GLIS3: variants seen among roughly 807,000 people sequenced by gnomAD.
GLIS3 encodes the protein GLIS family zinc finger 3.
A neutral mutation model predicts 78.6 loss-of-function variants in GLIS3; 53 were observed. The ratio of observed to expected loss-of-function variants is 0.67; its 90% CI spans 0.54 to 0.85. The LOEUF (loss-of-function observed/expected upper bound fraction) is 0.85. Among genes scored for constraint, GLIS3 ranks in the 40% least tolerant of loss-of-function variants. GLIS3 has a pLI of 0.00. For synonymous variants in GLIS3, 684 were observed against 509.9 expected, an observed-to-expected ratio of 1.34 and a Z score of -4.60; for missense variants, 1,703 against 1,231.1, an observed-to-expected ratio of 1.38 and a Z score of -5.74.
chr9:4,220,820 C>T (rs1821268155), intron 2 of GLIS3, among the ~76,000 whole-genome samples: 1 of 151,824 alleles, frequency 6.6e-6, no homozygotes, highest in South Asian at 2.1e-4. Flanking sequence ...ATGACAGCAA[C>T]AATATGTGTC....
chr9:4,159,030 G>GAAAAAAAAAAAAAAAAAAAA (rs141412126), intron 2 of GLIS3, among the ~76,000 whole-genome samples: 5 of 79,096 alleles, frequency 6.3e-5, no homozygotes, highest in African/African-American at 1.5e-4. Context: ...GAAAGGAGAA[G>GAAAAAAAAAAAAAAAAAAAA]AAGAAAAAAA....
intron 2 of GLIS3, among the ~76,000 whole-genome samples, chr9:4,259,544 C>G (rs966334216): frequency 1.3e-5 from 2 of 152,116 alleles, no homozygotes; most frequent in African/African-American, 4.8e-5. Context: ...CTCACTAACT[C>G]CCCCCACCGC....
At chr9:4,196,195 T>C (rs928698206) in intron 2 of GLIS3, among the ~76,000 whole-genome samples, 10 of 152,186 alleles carry the variant, frequency 6.6e-5, no homozygotes, top group South Asian at 4.2e-4. Context: ...AGCCAGAGGA[T>C]TGTATATGCA....
chr9:4,253,980 T>A (rs111828222), intron 2 of GLIS3, among the ~76,000 whole-genome samples: 5,116 of 152,248 alleles, frequency 0.034, 255 homozygotes, highest in African/African-American at 0.12. Flanking sequence ...GGTACCTCAG[T>A]TGGAAATGCA....
chr9:4,266,681 C>T (rs533360134), intron 2 of GLIS3, among the ~76,000 whole-genome samples: 1 of 151,704 alleles, frequency 6.6e-6, no homozygotes, highest in Admixed American at 6.6e-5. Flanking sequence ...TGAATGACAG[C>T]CACTATGATA....
the GLIS3 span, among the ~76,000 whole-genome samples, chr9:4,400,999 A>G: frequency 6.6e-6 from 1 of 152,186 alleles, no homozygotes; most frequent in East Asian, 1.9e-4. Context: ...TACTGTGGCT[A>G]TGATGAAACA....
intron 2 of GLIS3, among the ~76,000 whole-genome samples, chr9:4,333,775 C>A (rs1817717151): frequency 7.8e-6 from 1 of 128,276 alleles, no homozygotes; most frequent in East Asian, 2.7e-4. Flanking sequence ...TTTTGATTCC[C>A]CTCACTTCCA....
At chr9:4,474,985 A>ATTGTTTTTT in the GLIS3 span, among the ~76,000 whole-genome samples, 1 of 114,490 alleles carries the variant, frequency 8.7e-6, no homozygotes, top group Non-Finnish European at 1.7e-5. Context: ...GACTATGTTA[A>ATTGTTTTTT]TTTTTTTTTC....
At chr9:3,847,610 T>C (rs1819141125) in intron 9 of GLIS3, among the ~76,000 whole-genome samples, 1 of 152,276 alleles carries the variant, frequency 6.6e-6, no homozygotes. Context: ...ATGTAGATTA[T>C]TCACAGTTCA....
At chr9:4,332,896 T>C (rs1817706246) in intron 2 of GLIS3, among the ~76,000 whole-genome samples, 3 of 152,212 alleles carry the variant, frequency 2.0e-5, no homozygotes, top group Admixed American at 6.5e-5. Flanking sequence ...GGTGGTATTA[T>C]TGTTCTTTGT....
chr9:4,077,950 T>G (rs1828220132), intron 4 of GLIS3, among the ~76,000 whole-genome samples: 1 of 152,214 alleles, frequency 6.6e-6, no homozygotes, highest in Non-Finnish European at 1.5e-5. Flanking sequence ...AATAGCTATT[T>G]TATGCAGTCA....
At chr9:3,868,650 A>T (rs1820765372) in intron 8 of GLIS3, among the ~76,000 whole-genome samples, 1 of 152,086 alleles carries the variant, frequency 6.6e-6, no homozygotes, top group Non-Finnish European at 1.5e-5. Flanking sequence ...CAGACTAGGG[A>T]GGAATTTGGA....
At position 4,097,175 on chromosome 9, in the gene GLIS3, G is replaced by A. The variant is rs192088005; in HGVS notation, c.1710+20593C>T. On this transcript the variant is annotated intron_variant, in intron 4 of 10. Coordinates refer to ENST00000381971, the MANE Select transcript of GLIS3 (RefSeq NM_001042413.2). ...CGAGCTGCACATCTCCAACTTGTTG[G>A]GGCAGAACATCCTTTCTTCCATCTG... Among the ~76,000 whole-genome samples the A allele has an allele frequency of 3.1e-3, 466 of 152,142 alleles. 3 individuals are homozygous for A. Among genetic ancestry groups the A allele is most frequent in the African/African-American group, 0.011 (452 of 41,502 alleles).
chr9:3,841,687 T>C (rs1324938609), intron 9 of GLIS3, among the ~76,000 whole-genome samples: 2 of 152,204 alleles, frequency 1.3e-5, no homozygotes, highest in Admixed American at 1.3e-4. Context: ...TTTGCCAAGG[T>C]TGACAAGAAA....
chr9:4,417,226 G>A, the GLIS3 span, among the ~76,000 whole-genome samples: 1 of 152,258 alleles, frequency 6.6e-6, no homozygotes, highest in Admixed American at 6.5e-5. Flanking sequence ...AGTTAAGTTT[G>A]TGATTTATCT....
chr9:3,831,749 C>T (rs909929562), intron 9 of GLIS3, among the ~76,000 whole-genome samples: 1 of 152,138 alleles, frequency 6.6e-6, no homozygotes, highest in African/African-American at 2.4e-5. Flanking sequence ...TCTAAGCAAA[C>T]AGTGGTACAT....
the GLIS3 span, among the ~76,000 whole-genome samples, chr9:4,385,798 AAAGAAAG>A: frequency 4.0e-5 from 3 of 75,262 alleles, no homozygotes; most frequent in African/African-American, 1.5e-4. Context: ...AGAAAGAAAG[AAAGAAAG>A]AAAGAAAAGA....
At chr9:4,257,382 A>G (rs1202156012) in intron 2 of GLIS3, among the ~76,000 whole-genome samples, 1 of 152,206 alleles carries the variant, frequency 6.6e-6, no homozygotes, top group Non-Finnish European at 1.5e-5. Context: ...TATGTAAAAT[A>G]AACAAGTCTA....
At chr9:4,259,138 T>C (rs894210043) in intron 2 of GLIS3, among the ~76,000 whole-genome samples, 8 of 152,174 alleles carry the variant, frequency 5.3e-5, no homozygotes, top group African/African-American at 1.7e-4. Flanking sequence ...TGTTGCAAGA[T>C]GAACATTTTT....
Sources: gnomAD v4.1 joint callset for allele counts (sites outside exome capture counted in the v4.1 genomes callset) on GRCh38, gnomAD v4.1.1 for gene constraint, MANE v1.5 for transcripts, NCBI Gene and HGNC (gene_info 2026-07-23, HGNC 2026-07-21) for gene names.